PCDHA13: variants seen among roughly 807,000 people sequenced by gnomAD.
PCDHA13 encodes protocadherin alpha 13.
In PCDHA13, 54 loss-of-function variants were observed where a neutral mutation model predicts 64.8. The observed-to-expected ratio is 0.83, with a 90% CI of 0.67 to 1.04. PCDHA13 has a LOEUF of 1.04. Among genes scored for constraint, PCDHA13 ranks in the 50% least tolerant of loss-of-function variants. PCDHA13 has a pLI of 0.00. For missense variants in PCDHA13, 1,248 were observed against 1,254.3 expected (o/e 0.99, Z 0.08); for synonymous variants, 587 against 564.4 (o/e 1.04, Z -0.57).
intron 1 of PCDHA13, among the ~76,000 whole-genome samples, chr5:140,913,296 T>A (rs538964015): frequency 2.1e-4 from 32 of 152,322 alleles, no homozygotes; most frequent in African/African-American, 7.0e-4. Flanking sequence ...TTTAATTTCT[T>A]CATAGATCAA....
chr5:140,882,202 T>A lies in PCDHA13; in HGVS notation c.-67T>A. 2.0e-6 allele frequency: 3 copies of A among 1,529,778 alleles called. No individual in the cohort carries two copies. The highest frequency in any genetic ancestry group is 2.6e-6 in the Non-Finnish European group (3 of 1,138,612). 94.8% of individuals were successfully genotyped at this position (1,529,778 alleles called of 1,614,324 possible). On this transcript the variant is annotated 5_prime_UTR_variant, in exon 1 of 4. The change creates a new upstream start codon in the 5' untranslated region. Transcript: ENST00000289272. ...ACTAGGAAGCCATAAAAATTGGGCC[T>A]TGAGAGACAGTTTGAGGTAAGGCGT...
intron 1 of PCDHA13, among the ~76,000 whole-genome samples, chr5:140,947,079 C>T (rs2094082344): frequency 6.6e-6 from 1 of 151,398 alleles, no homozygotes; most frequent in Non-Finnish European, 1.5e-5. Context: ...TGTATTGAAA[C>T]ATCAGACTGT....
chr5:140,972,152 A>AT (rs1203762947), intron 1 of PCDHA13, among the ~76,000 whole-genome samples: 3 of 151,770 alleles, frequency 2.0e-5, no homozygotes, highest in East Asian at 3.9e-4. Context: ...TTTTATTTTT[A>AT]TTTTTTTGAG....
At chr5:140,908,021 C>T (rs958070573) in intron 1 of PCDHA13, among the ~76,000 whole-genome samples, 28 of 152,314 alleles carry the variant, frequency 1.8e-4, no homozygotes, top group African/African-American at 6.7e-4. Flanking sequence ...TGGCTACAGC[C>T]CATTAATCAG....
intron 1 of PCDHA13, among the ~76,000 whole-genome samples, chr5:140,889,062 T>C (rs1463008573): frequency 1.3e-5 from 2 of 152,052 alleles, no homozygotes; most frequent in African/African-American, 2.4e-5. Context: ...CCTTTTAATA[T>C]ACTACTTATT....
In PCDHA13 at chr5:140,936,501, T is replaced by A. The variant is rs192125282; in HGVS notation, c.2395-42448T>A. On this transcript the variant is annotated intron_variant, in intron 1 of 3. Transcript: ENST00000289272. ...AGCTTTCTTGTTTTAACTTGCACATTTAGATCTTAAATTACCTGAAATTGC... is the reference window on the plus strand; with the variant it reads ...AGCTTTCTTGTTTTAACTTGCACATATAGATCTTAAATTACCTGAAATTGC... Among the ~76,000 whole-genome samples, 509 of 152,360 alleles carry A rather than the reference T, an allele frequency of 3.3e-3. 1 individual carries two copies. Among genetic ancestry groups the A allele is most frequent in the African/African-American group, 0.011 (472 of 41,592 alleles).
chr5:140,977,864 GGTAAGTATAAT>G (rs1175044090), intron 1 of PCDHA13, among the ~76,000 whole-genome samples: 1 of 152,140 alleles, frequency 6.6e-6, no homozygotes, highest in Non-Finnish European at 1.5e-5. Context: ...TACCAAATAT[GGTAAGTATAAT>G]GTAGAGGAAA....
At chr5:140,966,447 C>G (rs373859357) in intron 1 of PCDHA13, 3 of 425,206 alleles carry the variant, frequency 7.1e-6, no homozygotes, top group Non-Finnish European at 8.2e-6. Flanking sequence ...CTCCCTTTCC[C>G]CCTCCCCCTC....
chr5:140,995,047 C>G (rs1174630120), intron 3 of PCDHA13, among the ~76,000 whole-genome samples: 2 of 152,158 alleles, frequency 1.3e-5, no homozygotes, highest in Admixed American at 1.3e-4. Context: ...CTTAACTCTA[C>G]TGAATTTTCA....
chr5:140,907,708 C>T (rs1477501652), intron 1 of PCDHA13, among the ~76,000 whole-genome samples: 1 of 152,142 alleles, frequency 6.6e-6, no homozygotes, highest in East Asian at 1.9e-4. Flanking sequence ...TGTTGCTGAG[C>T]CCATGTGTAA....
chr5:140,981,883 C>T (rs1488792007), intron 2 of PCDHA13, among the ~76,000 whole-genome samples: 1 of 152,146 alleles, frequency 6.6e-6, no homozygotes, highest in Non-Finnish European at 1.5e-5. Context: ...GAATTAATCT[C>T]TTCTGAGCGG....
intron 1 of PCDHA13, among the ~76,000 whole-genome samples, chr5:140,919,522 C>CT (rs1554199133): frequency 6.6e-6 from 1 of 152,000 alleles, no homozygotes; most frequent in African/African-American, 2.4e-5. Context: ...TTTTAATTCT[C>CT]TTTTTTTCCT....
chr5:140,984,981 A>G (rs2097130201), intron 3 of PCDHA13, among the ~76,000 whole-genome samples: 1 of 151,972 alleles, frequency 6.6e-6, no homozygotes, highest in South Asian at 2.1e-4. Flanking sequence ...TCTGTCCCCC[A>G]GGCTGGAGTC....
chr5:140,985,228 C>G (rs1022229644), intron 3 of PCDHA13, among the ~76,000 whole-genome samples: 4 of 152,156 alleles, frequency 2.6e-5, no homozygotes, highest in Non-Finnish European at 4.4e-5. Context: ...TGAGCCACCG[C>G]GCCTGGCCTA....
chr5:140,917,324 C>CGGGGG (rs1299895515), intron 1 of PCDHA13, among the ~76,000 whole-genome samples: 1 of 76,186 alleles, frequency 1.3e-5, no homozygotes, highest in Non-Finnish European at 2.9e-5. Flanking sequence ...GTTCATGTGG[C>CGGGGG]GGGGGAGGGG....
chr5:140,963,717 T>C (rs2095787814), intron 1 of PCDHA13, among the ~76,000 whole-genome samples: 1 of 152,256 alleles, frequency 6.6e-6, no homozygotes, highest in Admixed American at 6.5e-5. Context: ...ATGCTACATA[T>C]AGACTGCCAA....
chr5:140,934,305 A>T, intron 1 of PCDHA13, among the ~76,000 whole-genome samples: 1 of 152,150 alleles, frequency 6.6e-6, no homozygotes, highest in African/African-American at 2.4e-5. Flanking sequence ...TATTTTTCTT[A>T]CTGCAAATGT....
chr5:141,009,771 T>C lies in PCDHA13; in HGVS notation c.2687T>C (p.Ile896Thr), dbSNP rs142720081. 3.1e-5 allele frequency: 50 copies of C among 1,613,964 alleles called. No homozygotes were observed. The highest frequency in any genetic ancestry group is 1.6e-4 in the Middle Eastern group (1 of 6,084). Residue 896 changes from isoleucine (I) to threonine (T), a missense_variant, in exon 4 of 4, where the codon ATC (isoleucine) becomes ACC (threonine). Transcript: ENST00000289272. ...DKFIIPGSPA[I>T]ISIRQEPTNS... ...TTCATTATCCCAGGATCTCCTGCAA[T>C]CATCTCCATCCGGCAGGAGCCTACT...
At chr5:140,980,448 G>A (rs1333028932) in intron 2 of PCDHA13, among the ~76,000 whole-genome samples, 7 of 152,122 alleles carry the variant, frequency 4.6e-5, no homozygotes, top group African/African-American at 9.7e-5. Flanking sequence ...TGGACAACAC[G>A]GTGAAACCCT....
Sources: gnomAD v4.1 joint callset for allele counts (sites outside exome capture counted in the v4.1 genomes callset) on GRCh38, gnomAD v4.1.1 for gene constraint, MANE v1.5 for transcripts, NCBI Gene and HGNC (gene_info 2026-07-23, HGNC 2026-07-21) for gene names.